Variants in RNF220 observed in about 807,000 individuals in gnomAD.
RNF220 encodes the protein E3 ubiquitin-protein ligase RNF220.
A neutral mutation model predicts 67.1 loss-of-function variants in RNF220; 7 were observed. That is an observed-to-expected ratio of 0.10 (90% confidence interval 0.06 to 0.20). The LOEUF (loss-of-function observed/expected upper bound fraction) is 0.20, where lower values mean the gene tolerates loss of function less well. Among genes scored for constraint, RNF220 ranks in the 10% least tolerant of loss-of-function variants. The pLI is 1.00. For missense variants in RNF220, 565 were observed against 740.3 expected (o/e 0.76, Z 2.75); for synonymous variants, 270 against 283.2 (o/e 0.95, Z 0.47).
chr1:44,499,716 C>T (rs1657660096), intron 2 of RNF220, among the ~76,000 whole-genome samples: 1 of 147,994 alleles, frequency 6.8e-6, no homozygotes, highest in Non-Finnish European at 1.5e-5. Flanking sequence ...CTAGACCTCT[C>T]CCCTGAACTA....
At chr1:44,414,858 A>C (rs1291487148) in intron 2 of RNF220, among the ~76,000 whole-genome samples, 2 of 151,010 alleles carry the variant, frequency 1.3e-5, no homozygotes. Flanking sequence ...CTTGTACACA[A>C]GCATAAAACC....
chr1:44,474,913 G>A (rs2148003672), intron 2 of RNF220, among the ~76,000 whole-genome samples: 1 of 152,172 alleles, frequency 6.6e-6, no homozygotes, highest in South Asian at 2.1e-4. Context: ...GGTGTCTGGA[G>A]GGTCTCCTGG....
intron 2 of RNF220, among the ~76,000 whole-genome samples, chr1:44,446,535 G>A (rs909608135): frequency 6.6e-6 from 1 of 151,960 alleles, no homozygotes; most frequent in African/African-American, 2.4e-5. Context: ...TCAAAAAGAG[G>A]GACCGGGCCG....
rs551576542 is a variant in RNF220, at chr1:44,543,217, G to A, written c.626-70948G>A. 2.3e-3 allele frequency among the ~76,000 whole-genome samples: 352 copies of A among 152,042 alleles called. 1 individual carries two copies. The highest frequency in any genetic ancestry group is 3.5e-3 in the Non-Finnish European group (240 of 67,956). On this transcript the variant is annotated intron_variant, in intron 2 of 14. Transcript: ENST00000361799. Reference sequence around the variant, plus strand: ...CCTCCCCGTCAGACCCCCCACCTTCGCCGGCTACCCCCTCCCCCTTCCCTC... The same window carrying A: ...CCTCCCCGTCAGACCCCCCACCTTCACCGGCTACCCCCTCCCCCTTCCCTC...
At chr1:44,464,206 G>A (rs555927411) in intron 2 of RNF220, among the ~76,000 whole-genome samples, 2 of 152,324 alleles carry the variant, frequency 1.3e-5, no homozygotes, top group East Asian at 3.9e-4. Context: ...TATTTCTTGA[G>A]TGTACAGTTG....
chr1:44,450,604 A>G (rs1652570641), intron 2 of RNF220, among the ~76,000 whole-genome samples: 1 of 152,118 alleles, frequency 6.6e-6, no homozygotes, highest in Admixed American at 6.5e-5. Context: ...TCACTTAACT[A>G]TGTGTGTTTT....
intron 2 of RNF220, among the ~76,000 whole-genome samples, chr1:44,570,737 TC>T: frequency 6.6e-6 from 1 of 152,166 alleles, no homozygotes; most frequent in African/African-American, 2.4e-5. Context: ...TTTCCGGCCC[TC>T]CCACGATCTA....
intron 2 of RNF220, among the ~76,000 whole-genome samples, chr1:44,573,193 T>C (rs1258019504): frequency 6.6e-6 from 1 of 152,216 alleles, no homozygotes; most frequent in Non-Finnish European, 1.5e-5. Flanking sequence ...TGCCAGCTGC[T>C]TCACATGCAT....
At chr1:44,500,576 T>C (rs1657748733) in intron 2 of RNF220, among the ~76,000 whole-genome samples, 1 of 152,222 alleles carries the variant, frequency 6.6e-6, no homozygotes, top group Non-Finnish European at 1.5e-5. Context: ...AATGAGCGTG[T>C]ATGATAGGTG....
intron 2 of RNF220, among the ~76,000 whole-genome samples, chr1:44,551,262 G>A (rs270700): frequency 0.59 from 89,599 of 151,544 alleles, 28,481 homozygotes; most frequent in Non-Finnish European, 0.71. Flanking sequence ...TTACAGGCAC[G>A]GGCCACCACG....
chr1:44,618,168 G>A (rs1183698580), intron 3 of RNF220, among the ~76,000 whole-genome samples: 1 of 152,136 alleles, frequency 6.6e-6, no homozygotes, highest in African/African-American at 2.4e-5. Context: ...ACCCCACTAG[G>A]AGCAGGCTGC....
At chr1:44,548,150 T>C (rs1435383107) in intron 2 of RNF220, among the ~76,000 whole-genome samples, 1 of 152,174 alleles carries the variant, frequency 6.6e-6, no homozygotes, top group Non-Finnish European at 1.5e-5. Context: ...TATCGTCCCT[T>C]ATATATGTCC....
intron 2 of RNF220, among the ~76,000 whole-genome samples, chr1:44,525,303 A>C (rs542001782): frequency 1.3e-5 from 2 of 152,164 alleles, no homozygotes; most frequent in African/African-American, 4.8e-5. Context: ...CTTTGGCAAA[A>C]CGGGGAAAGG....
intron 2 of RNF220, among the ~76,000 whole-genome samples, chr1:44,569,752 G>A (rs1449174012): frequency 6.6e-6 from 1 of 152,214 alleles, no homozygotes; most frequent in Non-Finnish European, 1.5e-5. Flanking sequence ...GGGGAACAAG[G>A]AGGAAGGGAG....
chr1:44,571,846 A>G (rs184505076), intron 2 of RNF220, among the ~76,000 whole-genome samples: 1 of 152,274 alleles, frequency 6.6e-6, no homozygotes, highest in Admixed American at 6.5e-5. Context: ...ATGGCACCAC[A>G]ATCTTAAATG....
intron 2 of RNF220, among the ~76,000 whole-genome samples, chr1:44,553,576 A>G (rs984140744): frequency 6.6e-6 from 1 of 152,144 alleles, no homozygotes; most frequent in Non-Finnish European, 1.5e-5. Flanking sequence ...GTGGGATTCA[A>G]TTGCTGTTTG....
intron 2 of RNF220, among the ~76,000 whole-genome samples, chr1:44,597,513 A>ACAC (rs1666600596): frequency 1.0e-5 from 1 of 97,582 alleles, no homozygotes; most frequent in South Asian, 3.9e-4. Flanking sequence ...CACACACACG[A>ACAC]ACCTCCCTCA....
chr1:44,432,524 C>T (rs1335706242), intron 2 of RNF220, among the ~76,000 whole-genome samples: 1 of 151,350 alleles, frequency 6.6e-6, no homozygotes, highest in East Asian at 2.0e-4. Context: ...CCTGCCTTGG[C>T]CTCCCAAAGT....
Position 44,649,590 on chromosome 1 carries a change from A to G in RNF220, c.1446-71A>G, listed in dbSNP as rs934794870. 2 of 1,394,796 alleles carry G rather than the reference A, an allele frequency of 1.4e-6. No individual in the cohort carries two copies. The highest frequency in any genetic ancestry group is 1.4e-5 in the African/African-American group (1 of 70,576). The allele number at this position is 1,394,796 out of a possible 1,614,324, so 86.4% of individuals were successfully genotyped here. On this transcript the variant is annotated intron_variant, in intron 12 of 14. Transcript: ENST00000361799. This position sits in a 1 kb window ranked among gnomAD's most constrained non-coding sequence, Gnocchi z 5.9. ...TTTATGTATTTGGTTCTGGAATTCA[A>G]GGGAGGCGTAGGCTGGAGGTACAGA...
Sources: gnomAD v4.1 joint callset for allele counts (sites outside exome capture counted in the v4.1 genomes callset) on GRCh38, gnomAD v4.1.1 for gene constraint, Gnocchi (gnomAD v3.1) non-coding constraint, MANE v1.5 for transcripts, NCBI Gene and HGNC (gene_info 2026-07-23, HGNC 2026-07-21) for gene names.